The following RBM25 variants were observed in gnomAD, a reference collection of about 807,000 sequenced individuals.
RBM25 encodes RNA binding motif protein 25.
In RBM25, 19 loss-of-function variants were observed where a neutral mutation model predicts 120.7. The ratio of observed to expected loss-of-function variants is 0.16; its 90% CI spans 0.11 to 0.23. The LOEUF (loss-of-function observed/expected upper bound fraction) is 0.23. Among genes scored for constraint, RBM25 ranks in the 10% least tolerant of loss-of-function variants. RBM25 has a pLI of 1.00. For synonymous variants in RBM25, 390 were observed against 326.7 expected, an observed-to-expected ratio of 1.19 and a Z score of -2.09; for missense variants, 605 against 1,041.5, an observed-to-expected ratio of 0.58 and a Z score of 5.77.
chr14:73,070,674 C>T (rs1352343158), intron 1 of RBM25, among the ~76,000 whole-genome samples: 3 of 151,996 alleles, frequency 2.0e-5, no homozygotes, highest in Admixed American at 6.6e-5. Context: ...ATGGGCCGGG[C>T]GCGGTGGCTC....
chr14:73,070,161 C>A (rs900775125), intron 1 of RBM25, among the ~76,000 whole-genome samples: 2 of 151,786 alleles, frequency 1.3e-5, no homozygotes, highest in African/African-American at 2.4e-5. Context: ...GATTCTCCTG[C>A]CTCAGCCTCC....
chr14:73,061,548 ATAG>A (rs1895007330), intron 1 of RBM25, among the ~76,000 whole-genome samples: 1 of 150,984 alleles, frequency 6.6e-6, no homozygotes, highest in Non-Finnish European at 1.5e-5. Flanking sequence ...TTCTGTATAG[ATAG>A]TAGTAGATAG....
chr14:73,075,936 G>A (rs900571069), intron 2 of RBM25, among the ~76,000 whole-genome samples: 2 of 151,792 alleles, frequency 1.3e-5, no homozygotes, highest in African/African-American at 2.4e-5. Context: ...GTGAGCCACC[G>A]TGCCCAGCTG....
chr14:73,109,163 T>C (rs982261090), intron 13 of RBM25, 179 bp from the exon 14 acceptor site: 11 of 542,246 alleles, frequency 2.0e-5, no homozygotes, highest in African/African-American at 5.8e-5. Flanking sequence ...TAATGCTTGT[T>C]ATACATTTAC....
At chr14:73,117,223 T>C (rs1410668173) in intron 18 of RBM25, among the ~76,000 whole-genome samples, 6 of 52,802 alleles carry the variant, frequency 1.1e-4, no homozygotes, top group East Asian at 6.6e-4. Context: ...TTTTTTTTTT[T>C]TTTTTTTTTT....
intron 17 of RBM25, 108 bp downstream of exon 17, chr14:73,112,358 GGTTCA>G: frequency 9.0e-7 from 1 of 1,110,586 alleles, no homozygotes; most frequent in Non-Finnish European, 1.2e-6. Context: ...TGATGGTTTA[GGTTCA>G]GTTAAGTGAT....
In RBM25 at chr14:73,123,065, T is replaced by G. The variant is rs1383733048; in HGVS notation, c.*3260T>G. Reference sequence around the variant, plus strand: ...TTTTTTTCCATCCAGCCCTGAAAATTTTTTCTGTAGATAACTTTATGTTGT... The same window carrying G: ...TTTTTTTCCATCCAGCCCTGAAAATGTTTTCTGTAGATAACTTTATGTTGT... On this transcript the variant is annotated 3_prime_UTR_variant, in exon 19 of 19. Coordinates refer to ENST00000261973, the MANE Select transcript of RBM25 (RefSeq NM_021239.3). 1.3e-5 allele frequency: 2 copies of G among 152,088 alleles called. No homozygotes were observed. The highest frequency in any genetic ancestry group is 4.1e-4 in the South Asian group (2 of 4,822). 9.4% of individuals were successfully genotyped at this position (152,088 alleles called of 1,614,324 possible). A position where few individuals can be genotyped will look rare whatever the true frequency, so the allele number is the denominator to read the frequency against.
chr14:73,115,108 T>C (rs1180288588), intron 18 of RBM25, among the ~76,000 whole-genome samples: 1 of 151,868 alleles, frequency 6.6e-6, no homozygotes, highest in East Asian at 1.9e-4. Flanking sequence ...ATGGCATTGA[T>C]AGCAGTTAGG....
intron 6 of RBM25, among the ~76,000 whole-genome samples, chr14:73,092,748 T>C (rs551867632): frequency 6.6e-6 from 1 of 152,186 alleles, no homozygotes; most frequent in East Asian, 1.9e-4. Context: ...TTCTTTTTTT[T>C]ATGAGATGGG....
intron 1 of RBM25, among the ~76,000 whole-genome samples, chr14:73,063,729 GTC>G (rs1895061160): frequency 6.6e-6 from 1 of 151,214 alleles, no homozygotes; most frequent in South Asian, 2.1e-4. Flanking sequence ...TATTGTACCA[GTC>G]TCTTGCTTGT....
At chr14:73,071,976 AT>A (rs1895304719) in intron 2 of RBM25, among the ~76,000 whole-genome samples, 1 of 151,554 alleles carries the variant, frequency 6.6e-6, no homozygotes, top group African/African-American at 2.4e-5. Context: ...TTTTTAAAAA[AT>A]TCTTTTTTTT....
intron 15 of RBM25, 95 bp downstream of exon 15, chr14:73,111,250 G>C: frequency 9.0e-7 from 1 of 1,107,318 alleles, no homozygotes; most frequent in Non-Finnish European, 1.3e-6. Flanking sequence ...ATTTGTGCTT[G>C]GTTAGGTAGA....
At chr14:73,084,718 A>G (rs111238834) in intron 5 of RBM25, among the ~76,000 whole-genome samples, 5,820 of 151,352 alleles carry the variant, frequency 0.038, 357 homozygotes, top group African/African-American at 0.13. Flanking sequence ...ATGCCCGGCT[A>G]ATTTTTTATT....
intron 6 of RBM25, among the ~76,000 whole-genome samples, chr14:73,094,275 A>G (rs1427067396): frequency 2.0e-5 from 3 of 149,078 alleles, no homozygotes; most frequent in African/African-American, 5.0e-5. Context: ...TGTTGTTGTT[A>G]TTGTTTTTTT....
intron 17 of RBM25, among the ~76,000 whole-genome samples, chr14:73,114,012 ACTCTGT>A (rs547822737): frequency 9.3e-4 from 141 of 152,138 alleles, no homozygotes; most frequent in Non-Finnish European, 1.8e-3. Flanking sequence ...CAGTAAATTT[ACTCTGT>A]CTTCTCTAAC....
chr14:73,092,330 A>C (rs1366547659), intron 6 of RBM25, among the ~76,000 whole-genome samples: 2 of 152,126 alleles, frequency 1.3e-5, no homozygotes, highest in African/African-American at 4.8e-5. Flanking sequence ...CAGTATAAAA[A>C]TATGACATGG....
chr14:73,088,486 A>C, intron 6 of RBM25: 1 of 457,320 alleles, frequency 2.2e-6, no homozygotes, highest in Non-Finnish European at 4.3e-6. Context: ...TAAGTACAAA[A>C]TATATTTCAA....
rs1896022341 is a variant in RBM25, at chr14:73,099,780, A to G, written c.867+30A>G. 3.2e-6 allele frequency: 5 copies of G among 1,565,416 alleles called. No individual in the cohort carries two copies. The South Asian group carries it at 6.2e-5, about 19-fold the overall frequency. On this transcript the variant is annotated intron_variant, in intron 9 of 18. Transcript: ENST00000261973. ...TATTCTTGTCTTTTCACTTGATACC[A>G]ATCTAGACTTTTTACAGAATCCAAA...
rs1185266239 is a variant in RBM25, at chr14:73,105,896, GAA to G, written c.1194_1195del (p.Glu404ThrfsTer33). On this transcript the variant is annotated frameshift_variant, in exon 11 of 19. Transcript: ENST00000261973. LOFTEE classifies it high-confidence loss of function. ...AGATCGTGAAAGGGAACGAGAGCGGGAAAGAGAGAGAGAGAGAGAACGAGAGC... is the reference window on the plus strand; with the variant it reads ...AGATCGTGAAAGGGAACGAGAGCGGGAGAGAGAGAGAGAGAGAACGAGAGC... ...SRDRERERERERERERERERE... is the reference protein window; with the variant it reads ...SRDRERERERXRERERERERE... 2 of 1,612,850 alleles carry G rather than the reference GAA, an allele frequency of 1.2e-6. No homozygotes were observed. The highest frequency in any genetic ancestry group is 1.7e-6 in the Non-Finnish European group (2 of 1,179,460).
Sources: gnomAD v4.1 joint callset for allele counts (sites outside exome capture counted in the v4.1 genomes callset) on GRCh38, gnomAD v4.1.1 for gene constraint, MANE v1.5 for transcripts, NCBI Gene and HGNC (gene_info 2026-07-23, HGNC 2026-07-21) for gene names.